Variants in ACTR3C observed in about 807,000 individuals in gnomAD.
The protein encoded by ACTR3C is actin related protein 3C.
ACTR3C carries 18 observed loss-of-function variants against 26.3 expected under a neutral mutation model. The observed-to-expected ratio is 0.68, with a 90% CI of 0.47 to 1.01. The LOEUF is 1.01. ACTR3C is among the 50% of genes least tolerant of loss of function. The probability of loss-of-function intolerance (pLI) is 0.00; values close to 1 mark genes in which losing one functional copy is unlikely to be tolerated. For missense variants in ACTR3C, 184 were observed against 250.7 expected (o/e 0.73, Z 1.80); for synonymous variants, 55 against 94.5 (o/e 0.58, Z 2.42).
chr7:150,015,076 C>G, the ACTR3C span, among the ~76,000 whole-genome samples: 2 of 152,278 alleles, frequency 1.3e-5, no homozygotes, highest in South Asian at 4.1e-4. Flanking sequence ...CTGCAGAGTT[C>G]TACAACTCAG....
rs759969034 is a variant in ACTR3C, at chr7:150,299,464, C to CAAAAAAAAAA, written c.-51-4127_-51-4118dup. Among the ~76,000 whole-genome samples the CAAAAAAAAAA allele has an allele frequency of 1.6e-3, 23 of 14,116 alleles. 2 individuals are homozygous for CAAAAAAAAAA. Among genetic ancestry groups the CAAAAAAAAAA allele is most frequent in the African/African-American group, 3.3e-3 (15 of 4,556 alleles). 9.3% of individuals were successfully genotyped at this position (14,116 alleles called of 152,430 possible). ...CTTGGACAACATAGAGACCCCCTCTCAAAAAAAAAAAAAAAAAAAAAAAAA... is the reference window on the plus strand; with the variant it reads ...CTTGGACAACATAGAGACCCCCTCTCAAAAAAAAAAAAAAAAAAAAAAAAAAAAAAAAAAA... On this transcript the variant is annotated intron_variant, in intron 1 of 7. Transcript: ENST00000683684.
the ACTR3C span, among the ~76,000 whole-genome samples, chr7:149,910,467 G>T: frequency 1.3e-5 from 2 of 151,984 alleles, no homozygotes; most frequent in African/African-American, 4.8e-5. Context: ...ATAAAAGGGG[G>T]GGTGGTGGGA....
At chr7:150,193,627 T>C in the ACTR3C span, among the ~76,000 whole-genome samples, 165 of 143,052 alleles carry the variant, frequency 1.2e-3, no homozygotes, top group Admixed American at 1.2e-3. Flanking sequence ...TACACTTTGA[T>C]GTAGTTCAAA....
intron 1 of ACTR3C, among the ~76,000 whole-genome samples, chr7:150,314,300 C>T (rs1796608058): frequency 6.6e-6 from 1 of 152,194 alleles, no homozygotes; most frequent in Non-Finnish European, 1.5e-5. Context: ...TTTAGCCCTG[C>T]CAAGGATTCT....
the ACTR3C span, among the ~76,000 whole-genome samples, chr7:149,995,044 G>A: frequency 3.3e-5 from 5 of 151,950 alleles, no homozygotes; most frequent in Non-Finnish European, 7.4e-5. Flanking sequence ...TGGTAGAGAT[G>A]GGGTTTCACC....
intron 1 of ACTR3C, among the ~76,000 whole-genome samples, chr7:150,308,743 C>T (rs1796028279): frequency 6.6e-6 from 1 of 152,136 alleles, no homozygotes; most frequent in South Asian, 2.1e-4. Context: ...CTCCCCTCCT[C>T]ACACTCAGTC....
the ACTR3C span, among the ~76,000 whole-genome samples, chr7:149,961,966 T>G: frequency 6.8e-6 from 1 of 146,112 alleles, no homozygotes; most frequent in South Asian, 2.1e-4. Flanking sequence ...CAGGAAGTGT[T>G]CACTCACAGG....
chr7:150,063,544 G>A, the ACTR3C span, among the ~76,000 whole-genome samples: 1 of 151,488 alleles, frequency 6.6e-6, no homozygotes, highest in African/African-American at 2.5e-5. Context: ...CTTGTACAGT[G>A]TACTTACTGA....
At chr7:150,245,287 A>G (rs1301780017), downstream of ACTR3C, 1 of 152,252 alleles carries the variant, frequency 6.6e-6, no homozygotes, top group Non-Finnish European at 1.5e-5. Context: ...ATTAGCCATG[A>G]TAGGTTATCT....
chr7:150,281,663 A>C (rs1015552522), intron 6 of ACTR3C, among the ~76,000 whole-genome samples: 1 of 152,034 alleles, frequency 6.6e-6, no homozygotes, highest in African/African-American at 2.4e-5. Flanking sequence ...GAACTAGCAA[A>C]GGCCACGCCT....
the ACTR3C span, among the ~76,000 whole-genome samples, chr7:150,033,239 C>A: frequency 0.025 from 3,869 of 152,220 alleles, 162 homozygotes; most frequent in African/African-American, 0.089. Flanking sequence ...CAGGACTCTG[C>A]TTGCTAGCTG....
the ACTR3C span, among the ~76,000 whole-genome samples, chr7:149,971,227 C>T: frequency 2.0e-5 from 3 of 152,146 alleles, no homozygotes; most frequent in Non-Finnish European, 2.9e-5. Context: ...AGGGGTCATC[C>T]GTAAACCCAA....
At chr7:149,906,421 T>C in the ACTR3C span, among the ~76,000 whole-genome samples, 4 of 3,834 alleles carry the variant, frequency 1.0e-3, no homozygotes, top group Non-Finnish European at 3.4e-3. Flanking sequence ...TCTTTTTTTT[T>C]TTTTTTTTTT....
the ACTR3C span, among the ~76,000 whole-genome samples, chr7:149,991,111 A>G: frequency 6.6e-6 from 1 of 152,220 alleles, no homozygotes; most frequent in Non-Finnish European, 1.5e-5. Context: ...GCAAAGGAGA[A>G]GTAAAGGCAC....
At chr7:150,087,936 T>C in the ACTR3C span, among the ~76,000 whole-genome samples, 1 of 152,210 alleles carries the variant, frequency 6.6e-6, no homozygotes, top group Non-Finnish European at 1.5e-5. Context: ...ATGGTTTCAG[T>C]AACAAGGCAA....
chr7:150,091,987 C>CAA, the ACTR3C span, among the ~76,000 whole-genome samples: 852 of 19,424 alleles, frequency 0.044, 331 homozygotes, highest in East Asian at 0.12. Flanking sequence ...GACTCCGTCT[C>CAA]AAAAAAAAAA....
the ACTR3C span, among the ~76,000 whole-genome samples, chr7:149,923,001 T>G: frequency 1.4e-5 from 1 of 69,676 alleles, no homozygotes; most frequent in African/African-American, 4.4e-5. Context: ...TTTTTACAAA[T>G]CAGATGCTGA....
the ACTR3C span, among the ~76,000 whole-genome samples, chr7:149,985,628 A>G: frequency 6.6e-6 from 1 of 152,222 alleles, no homozygotes; most frequent in East Asian, 1.9e-4. Context: ...GATCACTGGA[A>G]TCCTGGCAGT....
the ACTR3C span, among the ~76,000 whole-genome samples, chr7:150,025,979 G>A: frequency 2.0e-5 from 3 of 151,942 alleles, no homozygotes; most frequent in Non-Finnish European, 4.4e-5. Context: ...GCCTTCGGAG[G>A]GTCACTCCAT....
Sources: gnomAD v4.1 joint callset for allele counts (sites outside exome capture counted in the v4.1 genomes callset) on GRCh38, gnomAD v4.1.1 for gene constraint, MANE v1.5 for transcripts, NCBI Gene and HGNC (gene_info 2026-07-23, HGNC 2026-07-21) for gene names.